Variants in GINS2 observed in about 807,000 individuals in gnomAD.
GINS2 encodes DNA replication complex GINS protein PSF2.
Under a neutral mutation model 21.2 loss-of-function variants are expected in GINS2, and 23 were observed. That is an observed-to-expected ratio of 1.08 (90% CI 0.78 to 1.53). GINS2 has a LOEUF of 1.53. Among genes scored for constraint, GINS2 ranks in the 40% most tolerant of loss-of-function variants. GINS2 has a pLI of 0.00. For missense variants in GINS2, 323 were observed against 233.9 expected (o/e 1.38, Z -2.49); for synonymous variants, 118 against 85.6 (o/e 1.38, Z -2.09).
chr16:85,685,685 A>AAAC (rs1555579587), intron 2 of GINS2, among the ~76,000 whole-genome samples: 6 of 120,900 alleles, frequency 5.0e-5, no homozygotes, highest in South Asian at 2.7e-4. Flanking sequence ...AAAAAAAAAA[A>AAAC]AAAAAACCGT....
intron 1 of GINS2, 29 bp downstream of exon 1, chr16:85,688,780 C>T: frequency 7.1e-7 from 1 of 1,416,060 alleles, no homozygotes; most frequent in Non-Finnish European, 9.5e-7. Flanking sequence ...AGCCCGGCCT[C>T]CCCTCCCCAC....
chr16:85,679,286 CAT>C (rs1235750596), intron 3 of GINS2, among the ~76,000 whole-genome samples: 2 of 152,214 alleles, frequency 1.3e-5, no homozygotes, highest in Non-Finnish European at 1.5e-5. Flanking sequence ...CACACCTACA[CAT>C]AGCAAAATTC....
At position 85,681,704 on chromosome 16, in the gene GINS2, T is replaced by C. The variant is rs1223194819; in HGVS notation, c.206-23A>G. The C allele has an allele frequency of 2.2e-6, 3 of 1,384,916 alleles. No individual in the cohort carries two copies. The Admixed American group carries it at 5.2e-5, about 24-fold the overall frequency. 85.8% of individuals were successfully genotyped at this position (1,384,916 alleles called of 1,614,324 possible). Reference sequence around the variant, plus strand: ...TTTCTGAAATTTAGAAGTTAATACATTTTACCATCATTATAACCAAGATAT... The same window carrying C: ...TTTCTGAAATTTAGAAGTTAATACACTTTACCATCATTATAACCAAGATAT... On this transcript the variant is annotated intron_variant, in intron 2 of 4. Transcript: ENST00000253462.
chr16:85,688,926 C>T lies in GINS2; in HGVS notation c.-28G>A. 8 of 1,497,454 alleles carry T rather than the reference C, an allele frequency of 5.3e-6. No homozygotes were observed. The highest frequency in any genetic ancestry group is 7.2e-6 in the Non-Finnish European group (8 of 1,107,820). The allele number at this position is 1,497,454 out of a possible 1,614,324, so 92.8% of individuals were successfully genotyped here. A position where few individuals can be genotyped will look rare whatever the true frequency, so the allele number is the denominator to read the frequency against. On this transcript the variant is annotated 5_prime_UTR_variant, in exon 1 of 5. Coordinates refer to ENST00000253462, the MANE Select transcript of GINS2 (RefSeq NM_016095.3). ...CGGCGCGAGCTGCAGGCCAGAGCCT[C>T]ACGGTCTCCTCGGGCCCCTCAGCGT... is the stretch of plus-strand genomic sequence containing the variant.
In GINS2 at chr16:85,687,572, C is replaced by A; in HGVS notation, c.93G>T (p.Gly31=). 1 of 1,540,420 alleles carries A rather than the reference C, an allele frequency of 6.5e-7. No homozygotes were observed. The highest frequency in any genetic ancestry group is 8.7e-7 in the Non-Finnish European group (1 of 1,144,594). The change falls in exon 2 of 5, where the codon GGG becomes GGT. Residue 31 remains glycine (G), a splice_region_variant and synonymous_variant. Transcript: ENST00000253462. ...FSLDKIYLIG[G]DLGPFNPGLP... ...AACCAGGGTTAAAAGGCCCCAGGTC[C>A]CCCTGCCAAAAGTAAAACAATTCCC...
intron 3 of GINS2, among the ~76,000 whole-genome samples, chr16:85,678,979 G>A (rs1009416686): frequency 3.3e-5 from 5 of 152,140 alleles, no homozygotes; most frequent in South Asian, 2.1e-4. Context: ...ACAGCATTCC[G>A]TGCTGCCTAA....
chr16:85,685,734 G>C (rs1161604164), intron 2 of GINS2, among the ~76,000 whole-genome samples: 5 of 145,838 alleles, frequency 3.4e-5, no homozygotes, highest in Admixed American at 2.1e-4. Flanking sequence ...TTATGTTTCA[G>C]GACTACCTGA....
chr16:85,678,713 G>C, intron 3 of GINS2, 47 bp from the exon 4 acceptor site: 2 of 1,590,176 alleles, frequency 1.3e-6, no homozygotes, highest in South Asian at 1.1e-5. Context: ...TTGATAACCT[G>C]AGGCAATGCT....
chr16:85,680,619 C>T (rs776438477), intron 3 of GINS2, among the ~76,000 whole-genome samples: 71 of 152,002 alleles, frequency 4.7e-4, no homozygotes, highest in Admixed American at 3.5e-3. Context: ...GATGGCACAG[C>T]CAGGCAAACA....
At chr16:85,684,288 C>G (rs1179390644) in intron 2 of GINS2, among the ~76,000 whole-genome samples, 1 of 152,148 alleles carries the variant, frequency 6.6e-6, no homozygotes, top group Non-Finnish European at 1.5e-5. Context: ...GAGCCATGAT[C>G]ACGCCACTGC....
intron 2 of GINS2, among the ~76,000 whole-genome samples, chr16:85,682,034 T>C (rs2053738126): frequency 7.2e-6 from 1 of 138,362 alleles, no homozygotes; most frequent in Non-Finnish European, 1.6e-5. Flanking sequence ...TTTTTTTTTT[T>C]TTTTTTTTTT....
At position 85,678,175 on chromosome 16, in the gene GINS2, C is replaced by G. The variant is rs779014887; in HGVS notation, c.*37G>C. ...AGTACCTCATCACGTCCTGAGCGCT[C>G]ACATCCCCCAGCAAGCCGCCTGCAC... On this transcript the variant is annotated 3_prime_UTR_variant, in exon 5 of 5. Coordinates refer to ENST00000253462, the MANE Select transcript of GINS2 (RefSeq NM_016095.3). 10 of 1,604,926 alleles carry G rather than the reference C, an allele frequency of 6.2e-6. No homozygotes were observed. Among genetic ancestry groups the G allele is most frequent in the Non-Finnish European group, 8.5e-6 (10 of 1,174,602 alleles).
rs1215677836 is a variant in GINS2 at position 85,677,680 on chromosome 16, G to A, written c.*532C>T. 1 of 152,598 alleles carries A rather than the reference G, an allele frequency of 6.6e-6. No homozygotes were observed. Among genetic ancestry groups the A allele is most frequent in the African/African-American group, 2.4e-5 (1 of 41,432 alleles). 9.5% of individuals were successfully genotyped at this position (152,598 alleles called of 1,614,324 possible). On this transcript the variant is annotated 3_prime_UTR_variant, in exon 5 of 5. Coordinates refer to ENST00000253462, the MANE Select transcript of GINS2 (RefSeq NM_016095.3). ...AAACCTAGAGAGTCAGAGCTGAGTT[G>A]GGTCCATTTTTATTGTGGATCAGGG...
chr16:85,678,510 C>A (rs757930759), intron 4 of GINS2, 30 bp downstream of exon 4: 1 of 1,607,036 alleles, frequency 6.2e-7, no homozygotes, highest in Non-Finnish European at 8.5e-7. Context: ...GGCATCAAGG[C>A]CACCAGCACC....
At position 85,679,400 on chromosome 16, in the gene GINS2, C is replaced by T. The variant is rs149180268; in HGVS notation, c.306-734G>A. On this transcript the variant is annotated intron_variant, in intron 3 of 4. Coordinates refer to ENST00000253462, the MANE Select transcript of GINS2 (RefSeq NM_016095.3). ...AACTAACCTTTGAAGAAAAACTACA[C>T]GATAAAAGCAGAAGCAAATATTGTT... Among the ~76,000 whole-genome samples, 201 of 152,320 alleles carry T rather than the reference C, an allele frequency of 1.3e-3. 2 individuals are homozygous for T. Among genetic ancestry groups the T allele is most frequent in the Non-Finnish European group, 1.1e-3 (74 of 68,018 alleles).
chr16:85,679,796 CCCA>C (rs1446541131), intron 3 of GINS2, among the ~76,000 whole-genome samples: 1 of 152,210 alleles, frequency 6.6e-6, no homozygotes, highest in Non-Finnish European at 1.5e-5. Flanking sequence ...AGCTACCATC[CCCA>C]CCACCACTAC....
At position 85,678,623 on chromosome 16, in the gene GINS2, C is replaced by A; in HGVS notation, c.349G>T (p.Val117Phe). ...ATACGAGTGTCCCACATATCCTTGA[C>A]CAGGGTCCGGATTTCGTCTGCCTTC... Reference protein sequence around the residue: ...IPKADEIRTLVKDMWDTRIAK... With the variant: ...IPKADEIRTLFKDMWDTRIAK... The change falls in exon 4 of 5, where the codon GTC (valine) becomes TTC (phenylalanine). Residue 117 changes from valine to phenylalanine, a missense_variant. By Grantham distance (50) the Val-to-Phe change is conservative. Transcript: ENST00000253462. 1 of 1,613,920 alleles carries A rather than the reference C, an allele frequency of 6.2e-7. No homozygotes were observed.
intron 2 of GINS2, among the ~76,000 whole-genome samples, chr16:85,686,643 T>C (rs147456901): frequency 3.2e-4 from 48 of 152,322 alleles, no homozygotes; most frequent in African/African-American, 1.1e-3. Flanking sequence ...GATTTGCCTA[T>C]TCTAGACAGT....
At chr16:85,684,718 A>G (rs570908912) in intron 2 of GINS2, among the ~76,000 whole-genome samples, 51 of 150,926 alleles carry the variant, frequency 3.4e-4, no homozygotes, top group Admixed American at 6.0e-4. Flanking sequence ...ACAGTGTTGG[A>G]TAAGAGAAAT....
Sources: allele counts gnomAD v4.1 joint callset (sites outside exome capture counted in the v4.1 genomes callset), GRCh38; gene constraint gnomAD v4.1.1; transcripts MANE v1.5; gene names NCBI Gene and HGNC (gene_info 2026-07-23, HGNC 2026-07-21).